Variants in PHACTR1 observed in about 807,000 individuals in gnomAD.
The protein encoded by PHACTR1 is RPEL repeat containing 1.
In PHACTR1, 16 loss-of-function variants were observed where a neutral mutation model predicts 69.2. The ratio of observed to expected loss-of-function variants is 0.23; its 90% CI spans 0.16 to 0.35. PHACTR1 has a LOEUF of 0.35. Ranked by LOEUF, PHACTR1 falls within the 10% of genes least tolerant of loss-of-function variation. PHACTR1 has a pLI of 1.00. For synonymous variants in PHACTR1, 312 were observed against 284.5 expected (o/e 1.10, Z -0.97); for missense variants, 510 against 734.7 (o/e 0.69, Z 3.54).
In PHACTR1 at chr6:12,915,512, AAAAAAAAAG is replaced by A. The variant is rs1253036269; in HGVS notation, c.251-137844_251-137836del. Among the ~76,000 whole-genome samples the A allele has an allele frequency of 5.6e-3, 840 of 149,794 alleles. 8 individuals are homozygous for A. The highest frequency in any genetic ancestry group is 0.019 in the African/African-American group (766 of 40,170). On this transcript the variant is annotated intron_variant, in intron 4 of 14. Coordinates refer to ENST00000332995, the MANE Select transcript of PHACTR1 (RefSeq NM_030948.6). ...ATAGAGTGAAACTCTCTCTCAAAAA[AAAAAAAAAG>A]AAAAAAAAAAAAAACAGGAGGAGAA...
intron 12 of PHACTR1, chr6:13,281,103 G>C (rs1446869408): frequency 1.6e-6 from 2 of 1,289,598 alleles, no homozygotes; most frequent in Middle Eastern, 2.1e-4. Flanking sequence ...TCAGGCATAA[G>C]AAACAGCCCC....
At chr6:13,141,099 G>T (rs1004814594) in intron 5 of PHACTR1, among the ~76,000 whole-genome samples, 2 of 152,150 alleles carry the variant, frequency 1.3e-5, no homozygotes, top group African/African-American at 4.8e-5. Context: ...ATGCCAGAAA[G>T]AAAAAGAAAA....
chr6:12,967,528 G>C (rs1202729598), intron 4 of PHACTR1, among the ~76,000 whole-genome samples: 1 of 152,230 alleles, frequency 6.6e-6, no homozygotes, highest in Non-Finnish European at 1.5e-5. Context: ...CAGGGAGAGA[G>C]AGAAAAGCAA....
At chr6:12,916,144 A>T (rs921535467) in intron 4 of PHACTR1, among the ~76,000 whole-genome samples, 1 of 152,162 alleles carries the variant, frequency 6.6e-6, no homozygotes, top group Non-Finnish European at 1.5e-5. Context: ...CTAGTTTATT[A>T]ACTTAAAACG....
chr6:13,061,028 C>A (rs180960631), intron 5 of PHACTR1, among the ~76,000 whole-genome samples: 81 of 152,270 alleles, frequency 5.3e-4, no homozygotes, highest in African/African-American at 1.9e-3. Flanking sequence ...GAGGGAGAAT[C>A]TGTTCATGCC....
intron 4 of PHACTR1, among the ~76,000 whole-genome samples, chr6:12,945,377 G>C (rs1387642393): frequency 6.6e-6 from 1 of 152,168 alleles, no homozygotes; most frequent in African/African-American, 2.4e-5. Flanking sequence ...AAAACTGTAA[G>C]TTTCATGAAA....
chr6:13,067,869 TGG>T (rs1162546864), intron 5 of PHACTR1, among the ~76,000 whole-genome samples: 1 of 152,186 alleles, frequency 6.6e-6, no homozygotes, highest in East Asian at 1.9e-4. Flanking sequence ...GATGTATGTG[TGG>T]CTACTTACTT....
At chr6:12,859,643 T>C (rs139463270) in intron 4 of PHACTR1, among the ~76,000 whole-genome samples, 1 of 152,200 alleles carries the variant, frequency 6.6e-6, no homozygotes, top group Non-Finnish European at 1.5e-5. Context: ...AAGAACCGTG[T>C]GTGCAAGGTT....
intron 4 of PHACTR1, among the ~76,000 whole-genome samples, chr6:12,980,382 C>T (rs1041023513): frequency 6.6e-6 from 1 of 152,078 alleles, no homozygotes; most frequent in Non-Finnish European, 1.5e-5. Flanking sequence ...TATCTCCCCG[C>T]GTCACCCTTC....
At chr6:13,135,973 C>T (rs1821480145) in intron 5 of PHACTR1, among the ~76,000 whole-genome samples, 1 of 152,048 alleles carries the variant, frequency 6.6e-6, no homozygotes, top group Non-Finnish European at 1.5e-5. Flanking sequence ...TGTTCAGAAA[C>T]AACTACCTTT....
chr6:13,069,396 C>T (rs142132709), intron 5 of PHACTR1, among the ~76,000 whole-genome samples: 229 of 152,158 alleles, frequency 1.5e-3, no homozygotes, highest in African/African-American at 5.3e-3. Context: ...TGATGGCTCC[C>T]GTCATCAGCT....
At chr6:13,174,339 C>T (rs1433985878) in intron 6 of PHACTR1, among the ~76,000 whole-genome samples, 1 of 152,196 alleles carries the variant, frequency 6.6e-6, no homozygotes, top group Non-Finnish European at 1.5e-5. Context: ...GGCTTGACTT[C>T]TTTATTTTGC....
intron 2 of PHACTR1, 31 bp from the exon 3 acceptor site, chr6:12,718,668 A>G: frequency 1.5e-6 from 1 of 670,964 alleles, no homozygotes; most frequent in East Asian, 2.8e-5. Context: ...TGACGTCTAA[A>G]ATATTGTGGA....
rs530394090 is a variant in PHACTR1 at position 13,166,646 on chromosome 6, G to A, written c.496+6362G>A. ...ATTTAAATAGGTAATATTATATTAT[G>A]TATATATTTGTATACATGGATGCCA... On this transcript the variant is annotated intron_variant, in intron 6 of 14. Coordinates refer to ENST00000332995, the MANE Select transcript of PHACTR1 (RefSeq NM_030948.6). Among the ~76,000 whole-genome samples, 26 of 152,194 alleles carry A rather than the reference G, an allele frequency of 1.7e-4. No homozygotes were observed. The South Asian group carries it at 5.4e-3, about 32-fold the overall frequency.
intron 5 of PHACTR1, among the ~76,000 whole-genome samples, chr6:13,110,239 A>G (rs1816819664): frequency 1.3e-5 from 2 of 151,892 alleles, no homozygotes; most frequent in Admixed American, 6.6e-5. Context: ...TTAGTTCTGT[A>G]TAGAGTATTA....
intron 5 of PHACTR1, among the ~76,000 whole-genome samples, chr6:13,124,409 G>C (rs1482888572): frequency 6.6e-6 from 1 of 152,140 alleles, no homozygotes; most frequent in Non-Finnish European, 1.5e-5. Context: ...TCATCCGAGA[G>C]CATTTAGGTA....
chr6:12,972,521 T>A (rs1307217165), intron 4 of PHACTR1, among the ~76,000 whole-genome samples: 1 of 152,186 alleles, frequency 6.6e-6, no homozygotes, highest in Admixed American at 6.5e-5. Context: ...AGCTGGATCA[T>A]CCTGGAGGCT....
chr6:12,935,181 A>G (rs13211801), intron 4 of PHACTR1, among the ~76,000 whole-genome samples: 1 of 152,190 alleles, frequency 6.6e-6, no homozygotes, highest in African/African-American at 2.4e-5. Flanking sequence ...AAACACCTCC[A>G]CGGTGTGAAG....
At chr6:12,739,443 C>A (rs1298570330) in intron 3 of PHACTR1, among the ~76,000 whole-genome samples, 1 of 152,086 alleles carries the variant, frequency 6.6e-6, no homozygotes, top group African/African-American at 2.4e-5. Flanking sequence ...TTTATTAATA[C>A]TGTGGTTTTC....
Sources: allele counts gnomAD v4.1 joint callset (sites outside exome capture counted in the v4.1 genomes callset), GRCh38; gene constraint gnomAD v4.1.1; transcripts MANE v1.5; gene names NCBI Gene and HGNC (gene_info 2026-07-23, HGNC 2026-07-21).